Variants in DLG5 observed in about 807,000 individuals in gnomAD.
DLG5 encodes disks large homolog 5.
In DLG5, 48 loss-of-function variants were observed where a neutral mutation model predicts 189.8. That is an observed-to-expected ratio of 0.25 (90% CI 0.20 to 0.32). The LOEUF is 0.32. Ranked by LOEUF, DLG5 falls within the 10% of genes least tolerant of loss-of-function variation. DLG5 has a pLI of 1.00. For missense variants in DLG5, 2,160 were observed against 2,544.7 expected (o/e 0.85, Z 3.25); for synonymous variants, 1,016 against 1,054.1 (o/e 0.96, Z 0.70).
At chr10:77,847,912 G>A (rs1843773996) in intron 5 of DLG5, among the ~76,000 whole-genome samples, 1 of 152,064 alleles carries the variant, frequency 6.6e-6, no homozygotes, top group Non-Finnish European at 1.5e-5. Flanking sequence ...TCACTATGTT[G>A]CCCAGGCTGG....
At chr10:77,837,134 G>A (rs1485182670) in intron 7 of DLG5, among the ~76,000 whole-genome samples, 1 of 138,044 alleles carries the variant, frequency 7.2e-6, no homozygotes, top group African/African-American at 2.7e-5. Flanking sequence ...AGAATTGCTT[G>A]AACTTGGGAG....
intron 2 of DLG5, among the ~76,000 whole-genome samples, chr10:77,857,531 C>T (rs1395758349): frequency 6.6e-6 from 1 of 152,198 alleles, no homozygotes; most frequent in Non-Finnish European, 1.5e-5. Flanking sequence ...CAGTGTGACG[C>T]AATTCAAGTT....
chr10:77,890,619 C>T (rs945807942), intron 1 of DLG5, among the ~76,000 whole-genome samples: 6 of 152,192 alleles, frequency 3.9e-5, no homozygotes, highest in Non-Finnish European at 8.8e-5. Context: ...GAGTTCAATA[C>T]CAGCCTGACC....
rs1446712645 is a variant in DLG5, at chr10:77,869,114, G to A, written c.373+15C>T. ...CCTGGCCCACCCGGTGTCCTCCCCA[G>A]ACAGTGGTACTCACCCACACTGCTG... On this transcript the variant is annotated intron_variant, in intron 2 of 31. Transcript: ENST00000372391. 13 of 1,612,508 alleles carry A rather than the reference G, an allele frequency of 8.1e-6. No homozygotes were observed. The highest frequency in any genetic ancestry group is 1.0e-5 in the Non-Finnish European group (12 of 1,178,918).
At chr10:77,866,954 A>G (rs1166297174) in intron 2 of DLG5, 3 of 457,112 alleles carry the variant, frequency 6.6e-6, no homozygotes, top group Non-Finnish European at 8.8e-6. Context: ...GGATGCAACC[A>G]GTTATTTCAG....
Position 77,812,204 on chromosome 10 carries a change from C to G in DLG5, c.4188+11G>C. ...CCATGGGCGCCATGCAGGAGGGCAG[C>G]TCCCTCTCACCTCCAGTAACTGATC... On this transcript the variant is annotated intron_variant, in intron 21 of 31. Transcript: ENST00000372391. The G allele has an allele frequency of 1.9e-6, 3 of 1,609,318 alleles. No individual in the cohort carries two copies. The highest frequency in any genetic ancestry group is 2.6e-6 in the Non-Finnish European group (3 of 1,176,424).
Position 77,816,593 on chromosome 10 carries a change from A to G in DLG5, c.3983T>C (p.Ile1328Thr), listed in dbSNP as rs1420467632. The G allele has an allele frequency of 6.2e-7, 1 of 1,614,160 alleles. No individual in the cohort carries two copies. The highest frequency in any genetic ancestry group is 1.7e-5 in the Admixed American group (1 of 60,022). ...SQTSASTLPR[I>T]AVNPASLGER... ...CCCGAGGGACGCGGGGTTGACAGCGATTCTGGGCAATGTGGAGGCTGAGGT... is the reference window on the plus strand; with the variant it reads ...CCCGAGGGACGCGGGGTTGACAGCGGTTCTGGGCAATGTGGAGGCTGAGGT... The change falls in exon 20 of 32, where the codon ATC (isoleucine) becomes ACC (threonine). Residue 1328 changes from isoleucine (I) to threonine (T), a missense_variant. Ile to Thr is a moderately conservative substitution (Grantham distance 89, BLOSUM62 -1). This residue lies in a region of DLG5 where 754 missense variants were observed against 746.5 expected (regional missense o/e 1.01). Transcript: ENST00000372391.
chr10:77,934,842 C>CTTTTTT, the DLG5 span, among the ~76,000 whole-genome samples: 1 of 145,030 alleles, frequency 6.9e-6, no homozygotes, highest in African/African-American at 2.7e-5. Flanking sequence ...GGGTGCTGTT[C>CTTTTTT]TTTTTTTTTG....
At chr10:77,922,114 C>A (rs112856890) in intron 1 of DLG5, among the ~76,000 whole-genome samples, 2 of 152,170 alleles carry the variant, frequency 1.3e-5, no homozygotes, top group Admixed American at 1.3e-4. Flanking sequence ...AACAAGGCGG[C>A]AAGCTACGGA....
At position 77,847,145 on chromosome 10, in the gene DLG5, G is replaced by A. The variant is rs60674782; in HGVS notation, c.865-3439C>T. ...AGAGTGGGCCACGAATTCCCAGTGC[G>A]ACAGGGTGGGTCACAGACCTCGAGG... On this transcript the variant is annotated intron_variant, in intron 5 of 31. Coordinates refer to ENST00000372391, the MANE Select transcript of DLG5 (RefSeq NM_004747.4). 3.8e-3 allele frequency among the ~76,000 whole-genome samples: 575 copies of A among 152,222 alleles called. 1 individual carries two copies. The highest frequency in any genetic ancestry group is 3.1e-3 in the Non-Finnish European group (213 of 68,014).
chr10:77,801,125 C>G (rs893122248), intron 27 of DLG5, among the ~76,000 whole-genome samples: 1 of 152,232 alleles, frequency 6.6e-6, no homozygotes, highest in South Asian at 2.1e-4. Context: ...GGGGCAGGAC[C>G]AAGAAAAACA....
chr10:77,841,080 G>A (rs1368977060), intron 7 of DLG5, among the ~76,000 whole-genome samples: 2 of 152,166 alleles, frequency 1.3e-5, no homozygotes, highest in Non-Finnish European at 2.9e-5. Context: ...GAACTATTCT[G>A]ATAGGAAAAA....
At chr10:77,917,114 C>G (rs774523770) in intron 1 of DLG5, among the ~76,000 whole-genome samples, 1 of 151,696 alleles carries the variant, frequency 6.6e-6, no homozygotes, top group Non-Finnish European at 1.5e-5. Context: ...GCGGCCAGAT[C>G]GCTTGAATCC....
At chr10:77,904,892 G>A (rs1846029661) in intron 1 of DLG5, among the ~76,000 whole-genome samples, 1 of 151,562 alleles carries the variant, frequency 6.6e-6, no homozygotes, top group Non-Finnish European at 1.5e-5. Flanking sequence ...ACTTTGAGAG[G>A]CTGAGGCGGG....
chr10:77,806,891 A>G lies in DLG5; in HGVS notation c.4834T>C (p.Leu1612=). 6.2e-7 allele frequency: 1 copy of G among 1,613,544 alleles called. No individual in the cohort carries two copies. The highest frequency in any genetic ancestry group is 8.5e-7 in the Non-Finnish European group (1 of 1,179,672). The change falls in exon 26 of 32, where the codon TTG becomes CTG. Residue 1612 remains leucine (L), a synonymous_variant. Transcript: ENST00000372391. ...AGGATGTCGTCCTTCTTAAAGCTCA[A>G]CTCTTGCTCCACATCTGCCAGCCGG... ...YDRLADVEQE[L]SFKKDDILYV...
chr10:77,866,764 C>T, intron 2 of DLG5: 1 of 354,162 alleles, frequency 2.8e-6, no homozygotes, highest in Non-Finnish European at 5.6e-6. Flanking sequence ...GCTGCATCCC[C>T]ATGTACTGGC....
chr10:77,843,119 A>C (rs1260973168), intron 6 of DLG5, among the ~76,000 whole-genome samples: 1 of 152,216 alleles, frequency 6.6e-6, no homozygotes, highest in Non-Finnish European at 1.5e-5. Context: ...CCAAAGAAAC[A>C]GGATGCTCAG....
intron 1 of DLG5, among the ~76,000 whole-genome samples, chr10:77,908,676 A>T (rs978707345): frequency 1.3e-5 from 2 of 151,946 alleles, no homozygotes; most frequent in Middle Eastern, 3.2e-3. Context: ...CCAGCTCACC[A>T]TACACCCTCC....
Position 77,813,645 on chromosome 10 carries a change from C to T in DLG5, c.4026-1268G>A, listed in dbSNP as rs550399924. ...CCACCCCTACATCACCCTCCTGCCC[C>T]AGCCTTAGATGATGAAACAGAGGCC... On this transcript the variant is annotated intron_variant, in intron 20 of 31. Coordinates refer to ENST00000372391, the MANE Select transcript of DLG5 (RefSeq NM_004747.4). Among the ~76,000 whole-genome samples, 15 of 152,294 alleles carry T rather than the reference C, an allele frequency of 9.8e-5. No individual in the cohort carries two copies. In the South Asian group the frequency reaches 2.7e-3, roughly 27 times the overall value.
Sources: allele counts gnomAD v4.1 joint callset (sites outside exome capture counted in the v4.1 genomes callset), GRCh38; gene constraint gnomAD v4.1.1; regional missense constraint gnomAD v4.1.1; transcripts MANE v1.5; gene names NCBI Gene and HGNC (gene_info 2026-07-23, HGNC 2026-07-21).